The following NMBR variants were observed in gnomAD, a reference collection of about 807,000 sequenced individuals.
NMBR encodes the protein neuromedin-B receptor.
A neutral mutation model predicts 20.5 loss-of-function variants in NMBR; 16 were observed. The observed-to-expected ratio is 0.78, with a 90% CI of 0.53 to 1.19. NMBR has a LOEUF of 1.19. Among genes scored for constraint, NMBR ranks in the 50% most tolerant of loss-of-function variants. The pLI is 0.00. For synonymous variants in NMBR, 212 were observed against 196.6 expected, an observed-to-expected ratio of 1.08 and a Z score of -0.65; for missense variants, 582 against 499.1, an observed-to-expected ratio of 1.17 and a Z score of -1.58.
At chr6:142,139,399 A>G (rs1406802142) in intron 1 of NMBR, among the ~76,000 whole-genome samples, 1 of 152,164 alleles carries the variant, frequency 6.6e-6, no homozygotes, top group Admixed American at 6.6e-5. Context: ...AATCTTGAGT[A>G]TTGTTCCTTT....
chr6:142,107,991 T>C (rs145822843), intron 1 of NMBR, among the ~76,000 whole-genome samples: 189 of 151,990 alleles, frequency 1.2e-3, no homozygotes, highest in African/African-American at 4.4e-3. Flanking sequence ...GAAGAATCAG[T>C]GAAATTAAAG....
intron 1 of NMBR, among the ~76,000 whole-genome samples, chr6:142,095,628 C>T (rs1335724770): frequency 6.6e-6 from 1 of 152,062 alleles, no homozygotes; most frequent in African/African-American, 2.4e-5. Context: ...TTTCTTGTGT[C>T]TCTGCCAGGC....
intron 3 of NMBR, among the ~76,000 whole-genome samples, chr6:142,076,617 A>G (rs865970276): frequency 2.0e-5 from 3 of 152,204 alleles, no homozygotes; most frequent in Admixed American, 6.5e-5. Flanking sequence ...ACATTCACAA[A>G]TAAAAATAAA....
intron 1 of NMBR, chr6:142,134,823 C>T: frequency 1.5e-6 from 1 of 671,232 alleles, no homozygotes; most frequent in East Asian, 2.7e-5. Flanking sequence ...CCATTTTTCT[C>T]ATTGCAATAA....
rs1582840627 is a variant in NMBR, at chr6:142,088,660, A to T, written c.-2T>A. 8.1e-6 allele frequency: 13 copies of T among 1,596,528 alleles called. No individual in the cohort carries two copies. In the East Asian group the frequency reaches 2.9e-4, roughly 36 times the overall value. The stretch of plus-strand genomic sequence containing the variant: ...GTTGGAAAGAGACTTAGAGGGCATG[A>T]TCTCCTTTCCAGCAGAGTCCGCTGG... On this transcript the variant is annotated 5_prime_UTR_variant, in exon 2 of 4. Coordinates refer to ENST00000258042, the MANE Select transcript of NMBR (RefSeq NM_002511.4).
chr6:142,142,763 T>C (rs1036854542), intron 1 of NMBR, among the ~76,000 whole-genome samples: 4 of 152,088 alleles, frequency 2.6e-5, no homozygotes, highest in African/African-American at 9.7e-5. Context: ...GTCATGTACA[T>C]AGAAAATTCT....
chr6:142,075,393 ATG>A lies in NMBR; in HGVS notation c.*253_*254del, dbSNP rs907843418. On this transcript the variant is annotated 3_prime_UTR_variant, in exon 4 of 4. Coordinates refer to ENST00000258042, the MANE Select transcript of NMBR (RefSeq NM_002511.4). ...ATATATATAATGTACATGTGTGTAC[ATG>A]TGTGTGTGCAAATACATATATATAC... is the stretch of plus-strand genomic sequence containing the variant. 6.6e-6 allele frequency among the ~76,000 whole-genome samples: 1 copy of A among 152,072 alleles called. No homozygotes were observed.
intron 1 of NMBR, among the ~76,000 whole-genome samples, chr6:142,141,442 T>G (rs1290872727): frequency 6.6e-6 from 1 of 152,036 alleles, no homozygotes; most frequent in Admixed American, 6.6e-5. Flanking sequence ...AAGTTCTAAA[T>G]ATTATGTTAG....
intron 2 of NMBR, among the ~76,000 whole-genome samples, chr6:142,079,112 A>AGAGAGAGAG (rs758043461): frequency 8.6e-5 from 4 of 46,612 alleles, no homozygotes; most frequent in Admixed American, 4.9e-4. Flanking sequence ...GAGAGAAAGA[A>AGAGAGAGAG]AGAAAGAAAG....
In NMBR at chr6:142,075,697, T is replaced by A. The variant is rs773165958; in HGVS notation, c.1124A>T (p.Asn375Ile). The change falls in exon 4 of 4, where the codon AAT becomes ATT. Residue 375 changes from asparagine to isoleucine, a missense_variant. Physicochemically the swap from Asn to Ile is moderately radical, Grantham distance 149. Transcript: ENST00000258042. ...LKSNAKNMVT[N>I]SVLLNGHSMK... Reference sequence around the variant, plus strand: ...GCTGTGCCCATTTAGTAAAACAGAATTGGTCACCATGTTCTTAGCATTGCT... The same window carrying A: ...GCTGTGCCCATTTAGTAAAACAGAAATGGTCACCATGTTCTTAGCATTGCT... The A allele has an allele frequency of 6.2e-7, 1 of 1,613,608 alleles. No individual in the cohort carries two copies. The highest frequency in any genetic ancestry group is 1.7e-5 in the Admixed American group (1 of 59,964).
rs1471637739 is a variant in NMBR, at chr6:142,088,916, A to T, written c.-258T>A. 7.9e-6 allele frequency: 3 copies of T among 381,330 alleles called. No homozygotes were observed. The allele number at this position is 381,330 out of a possible 1,614,324, so 23.6% of individuals were successfully genotyped here. A position where few individuals can be genotyped will look rare whatever the true frequency, so the allele number is the denominator to read the frequency against. On this transcript the variant is annotated 5_prime_UTR_variant, in exon 2 of 4. Transcript: ENST00000258042. ...TGAATTTAAATTAAAAAAAAAAAAA[A>T]AGCAAAGCGGTTGCGTCTTTGTTCC...
At chr6:142,105,746 T>A (rs1231564134) in intron 1 of NMBR, among the ~76,000 whole-genome samples, 1 of 152,158 alleles carries the variant, frequency 6.6e-6, no homozygotes, top group Non-Finnish European at 1.5e-5. Context: ...CTTTTAGTAA[T>A]CCCAATTTGT....
At chr6:142,135,619 A>C in intron 1 of NMBR, among the ~76,000 whole-genome samples, 1 of 149,666 alleles carries the variant, frequency 6.7e-6, no homozygotes, top group South Asian at 2.2e-4. Flanking sequence ...AGCATTAGGT[A>C]TATCTCCTAA....
At chr6:142,129,747 G>A (rs1778106140) in intron 1 of NMBR, among the ~76,000 whole-genome samples, 1 of 152,124 alleles carries the variant, frequency 6.6e-6, no homozygotes, top group African/African-American at 2.4e-5. Context: ...ATAGTAGTCT[G>A]TATAACAAGG....
chr6:142,135,363 A>G (rs1778233460), intron 1 of NMBR, among the ~76,000 whole-genome samples: 2 of 152,170 alleles, frequency 1.3e-5, no homozygotes, highest in African/African-American at 4.8e-5. Context: ...TTTTGCATTC[A>G]TGTAAAATAT....
At chr6:142,115,586 T>G (rs934883750) in intron 1 of NMBR, among the ~76,000 whole-genome samples, 2 of 150,794 alleles carry the variant, frequency 1.3e-5, no homozygotes, top group Non-Finnish European at 3.0e-5. Context: ...AATATGACAA[T>G]AAGAAGACAA....
In NMBR at chr6:142,131,038, G is replaced by A. The variant is rs544851046; in HGVS notation, c.-664+16006C>T. ...CTGTTTTTCCACTTTTGGAGTGTAA[G>A]TGTCTACTGTAGTCATCCTATTCCT... On this transcript the variant is annotated intron_variant, in intron 1 of 3. Coordinates refer to ENST00000258042, the MANE Select transcript of NMBR (RefSeq NM_002511.4). Among the ~76,000 whole-genome samples, 48 of 152,156 alleles carry A rather than the reference G, an allele frequency of 3.2e-4. 1 individual carries two copies. Among genetic ancestry groups the A allele is most frequent in the African/African-American group, 1.7e-4 (7 of 41,494 alleles).
intron 1 of NMBR, among the ~76,000 whole-genome samples, chr6:142,141,738 C>T (rs1778365612): frequency 6.6e-6 from 1 of 151,918 alleles, no homozygotes; most frequent in South Asian, 2.1e-4. Flanking sequence ...CTCCTGACCC[C>T]GCGATTCACC....
In NMBR at chr6:142,147,051, G is replaced by A. The variant is rs1290942461; in HGVS notation, c.-671C>T. 1.9e-6 allele frequency: 1 copy of A among 531,260 alleles called. No individual in the cohort carries two copies. The highest frequency in any genetic ancestry group is 2.9e-5 in the East Asian group (1 of 34,968). 32.9% of individuals were successfully genotyped at this position (531,260 alleles called of 1,614,324 possible). ...AAAAACCCTTCCTCCTACCAGCAGA[G>A]AGCGCTAGCGCCATGCGCGGCATAA... is the stretch of plus-strand genomic sequence containing the variant. On this transcript the variant is annotated 5_prime_UTR_variant, in exon 1 of 4. Coordinates refer to ENST00000258042, the MANE Select transcript of NMBR (RefSeq NM_002511.4).
Sources: gnomAD v4.1 joint callset for allele counts (sites outside exome capture counted in the v4.1 genomes callset) on GRCh38, gnomAD v4.1.1 for gene constraint, MANE v1.5 for transcripts, NCBI Gene and HGNC (gene_info 2026-07-23, HGNC 2026-07-21) for gene names.